UVRAG: variants seen among roughly 807,000 people sequenced by gnomAD.
UVRAG encodes UV radiation resistance associated.
UVRAG carries 19 observed loss-of-function variants against 78.0 expected under a neutral mutation model. The observed-to-expected ratio is 0.24, with a 90% CI of 0.17 to 0.36. The LOEUF (loss-of-function observed/expected upper bound fraction) is 0.36, where lower values mean the gene tolerates loss of function less well. UVRAG is among the 10% of genes least tolerant of loss of function. The probability of loss-of-function intolerance (pLI) is 1.00; values close to 1 mark genes in which losing one functional copy is unlikely to be tolerated. For missense variants in UVRAG, 740 were observed against 853.8 expected (o/e 0.87, Z 1.66); for synonymous variants, 323 against 324.6 (o/e 1.00, Z 0.05).
chr11:75,897,998 G>T (rs1028040064), intron 5 of UVRAG, among the ~76,000 whole-genome samples: 2 of 149,690 alleles, frequency 1.3e-5, no homozygotes, highest in African/African-American at 2.5e-5. Flanking sequence ...CCTCCCGAGT[G>T]GCTGGGATTA....
chr11:75,853,837 A>G (rs142938449), intron 2 of UVRAG, among the ~76,000 whole-genome samples: 105 of 151,682 alleles, frequency 6.9e-4, no homozygotes, highest in African/African-American at 2.4e-3. Context: ...CAGTGGTGCA[A>G]TCTTGGCTCA....
chr11:76,112,725 C>CTTT (rs1952098478), intron 13 of UVRAG, among the ~76,000 whole-genome samples: 1 of 139,812 alleles, frequency 7.2e-6, no homozygotes, highest in Non-Finnish European at 1.5e-5. Context: ...TTTCTTTTTT[C>CTTT]TTTTCTTTTT....
intron 5 of UVRAG, among the ~76,000 whole-genome samples, chr11:75,899,407 A>G (rs973152549): frequency 2.6e-5 from 4 of 152,170 alleles, no homozygotes; most frequent in Admixed American, 6.5e-5. Flanking sequence ...GCCTGCTATG[A>G]GACACTATGT....
At chr11:76,018,401 T>G (rs949132451) in intron 12 of UVRAG, among the ~76,000 whole-genome samples, 3 of 152,054 alleles carry the variant, frequency 2.0e-5, no homozygotes, top group African/African-American at 7.2e-5. Context: ...TCCACTGTGT[T>G]TTTTTTGTTG....
intron 7 of UVRAG, among the ~76,000 whole-genome samples, chr11:75,973,605 T>C (rs1195351524): frequency 1.3e-5 from 2 of 152,182 alleles, no homozygotes; most frequent in African/African-American, 2.4e-5. Context: ...ATGTGCACAA[T>C]GTGCAGTTTT....
chr11:76,011,104 A>T (rs1355713637), intron 11 of UVRAG, among the ~76,000 whole-genome samples: 1 of 152,156 alleles, frequency 6.6e-6, no homozygotes, highest in East Asian at 1.9e-4. Context: ...CTAGTTTTTC[A>T]TAGCTTTTGT....
chr11:76,060,051 A>G (rs951856085), intron 12 of UVRAG, among the ~76,000 whole-genome samples: 2 of 152,202 alleles, frequency 1.3e-5, no homozygotes, highest in African/African-American at 4.8e-5. Context: ...CTTTGTAGAA[A>G]TGTCTGGGTT....
intron 1 of UVRAG, among the ~76,000 whole-genome samples, chr11:75,832,175 C>T (rs557937350): frequency 4.6e-5 from 7 of 152,284 alleles, no homozygotes; most frequent in African/African-American, 1.2e-4. Flanking sequence ...GGTTTTCCCC[C>T]CAACATCAAC....
At position 75,815,232 on chromosome 11, in the gene UVRAG, C is replaced by A. The variant is rs1025508204; in HGVS notation, c.-176C>A. The A allele has an allele frequency of 4.5e-6, 2 of 449,344 alleles. No individual in the cohort carries two copies. The highest frequency in any genetic ancestry group is 7.8e-6 in the Non-Finnish European group (2 of 257,962). 27.8% of individuals were successfully genotyped at this position (449,344 alleles called of 1,614,324 possible). On this transcript the variant is annotated 5_prime_UTR_variant, in exon 1 of 15. Coordinates refer to ENST00000356136, the MANE Select transcript of UVRAG (RefSeq NM_003369.4). ...TGCGGTAATATGGCTCTTCCTTAGC[C>A]AGCGGCGGCAACGGCGGCAGCGGCG...
chr11:76,002,020 C>G (rs1244909704), intron 8 of UVRAG, among the ~76,000 whole-genome samples: 1 of 152,142 alleles, frequency 6.6e-6, no homozygotes, highest in East Asian at 1.9e-4. Flanking sequence ...TGCTCTTAAA[C>G]ATGGACATCA....
At chr11:75,882,661 T>A (rs2134894990) in intron 4 of UVRAG, among the ~76,000 whole-genome samples, 1 of 152,248 alleles carries the variant, frequency 6.6e-6, no homozygotes, top group South Asian at 2.1e-4. Flanking sequence ...TTAACTGAAA[T>A]TTTGTATCCT....
chr11:75,874,081 G>A (rs1946709948), intron 3 of UVRAG, among the ~76,000 whole-genome samples: 1 of 152,206 alleles, frequency 6.6e-6, no homozygotes, highest in African/African-American at 2.4e-5. Flanking sequence ...TGATGGAGCA[G>A]CAAGAGCAAG....
At chr11:75,859,917 G>A (rs552444471) in intron 2 of UVRAG, among the ~76,000 whole-genome samples, 1 of 152,082 alleles carries the variant, frequency 6.6e-6, no homozygotes, top group Non-Finnish European at 1.5e-5. Flanking sequence ...GAATTGTTTT[G>A]TTTGATTTAT....
intron 1 of UVRAG, among the ~76,000 whole-genome samples, chr11:75,826,191 C>T (rs1443102855): frequency 6.7e-6 from 1 of 150,068 alleles, no homozygotes; most frequent in African/African-American, 2.5e-5. Context: ...GAGTCTTGCT[C>T]TGTCGCTAGG....
chr11:75,997,522 A>G (rs1395352548), intron 8 of UVRAG, among the ~76,000 whole-genome samples: 1 of 152,192 alleles, frequency 6.6e-6, no homozygotes, highest in Non-Finnish European at 1.5e-5. Context: ...GAAGATGGTA[A>G]ACCAAGCTCC....
At chr11:75,951,365 A>ATTTTT (rs200501949) in intron 6 of UVRAG, among the ~76,000 whole-genome samples, 24 of 141,566 alleles carry the variant, frequency 1.7e-4, no homozygotes, top group African/African-American at 6.8e-4. Flanking sequence ...GTGTGTATAT[A>ATTTTT]TTTTTTGTTT....
chr11:76,140,869 C>T lies in UVRAG; in HGVS notation c.1556C>T (p.Pro519Leu). The T allele has an allele frequency of 8.7e-6, 14 of 1,614,156 alleles. No individual in the cohort carries two copies. Among genetic ancestry groups the T allele is most frequent in the Non-Finnish European group, 1.2e-5 (14 of 1,180,028 alleles). The stretch of plus-strand genomic sequence containing the variant: ...AATGAGAGACTTCAGTACAAAACCC[C>T]TCCTCCCAGTTACAACTCAGCATTA... ...SENERLQYKTPPPSYNSALAQ... is the reference protein window; with the variant it reads ...SENERLQYKTLPPSYNSALAQ... The change falls in exon 15 of 15, where the codon CCT (proline) becomes CTT (leucine). Residue 519 changes from proline (P) to leucine (L), a missense_variant. Coordinates refer to ENST00000356136, the MANE Select transcript of UVRAG (RefSeq NM_003369.4).
intron 1 of UVRAG, among the ~76,000 whole-genome samples, chr11:75,817,070 G>T (rs928956655): frequency 1.3e-5 from 2 of 152,164 alleles, no homozygotes; most frequent in African/African-American, 4.8e-5. Flanking sequence ...GGTTTGGATT[G>T]TGTTGTGAGA....
intron 4 of UVRAG, among the ~76,000 whole-genome samples, chr11:75,883,065 CACAT>C (rs1283656453): frequency 6.6e-6 from 1 of 152,146 alleles, no homozygotes; most frequent in African/African-American, 2.4e-5. Context: ...TCTATCTTCC[CACAT>C]ACCATACTTG....
Sources: allele counts gnomAD v4.1 joint callset (sites outside exome capture counted in the v4.1 genomes callset), GRCh38; gene constraint gnomAD v4.1.1; transcripts MANE v1.5; gene names NCBI Gene and HGNC (gene_info 2026-07-23, HGNC 2026-07-21).